PEX5L: variants seen among roughly 807,000 people sequenced by gnomAD.
PEX5L encodes the protein peroxisomal biogenesis factor 5 like, also known as PEX5-related protein.
Under a neutral mutation model 84.0 loss-of-function variants are expected in PEX5L, and 30 were observed. The ratio of observed to expected loss-of-function variants is 0.36; its 90% CI spans 0.27 to 0.48. The LOEUF (loss-of-function observed/expected upper bound fraction) is 0.48. Among genes scored for constraint, PEX5L ranks in the 20% least tolerant of loss-of-function variants. The probability of loss-of-function intolerance (pLI) is 0.99; values close to 1 mark genes in which losing one functional copy is unlikely to be tolerated. For missense variants in PEX5L, 533 were observed against 754.6 expected (o/e 0.71, Z 3.44); for synonymous variants, 270 against 283.1 (o/e 0.95, Z 0.46).
chr3:179,903,468 A>C (rs111845863), intron 2 of PEX5L, among the ~76,000 whole-genome samples: 3,795 of 152,228 alleles, frequency 0.025, 155 homozygotes, highest in African/African-American at 0.088. Flanking sequence ...GGGCTCAAGC[A>C]ATCTTCCTGC....
chr3:180,027,598 T>C (rs1791085829), intron 1 of PEX5L, among the ~76,000 whole-genome samples: 1 of 152,202 alleles, frequency 6.6e-6, no homozygotes, highest in South Asian at 2.1e-4. Context: ...TGAACAAGGA[T>C]TTCTTTTTAA....
At chr3:179,848,495 C>T (rs6443673) in intron 8 of PEX5L, among the ~76,000 whole-genome samples, 99,136 of 149,106 alleles carry the variant, frequency 0.66, 33,063 homozygotes, top group East Asian at 0.77. Context: ...CGAGGCTGAA[C>T]TGAACTGAGA....
chr3:179,946,543 A>G (rs1298956333), intron 2 of PEX5L, among the ~76,000 whole-genome samples: 2 of 152,222 alleles, frequency 1.3e-5, no homozygotes, highest in East Asian at 3.8e-4. Flanking sequence ...CAACAAGAAG[A>G]AAGTGAGAAG....
intron 2 of PEX5L, among the ~76,000 whole-genome samples, chr3:179,953,358 C>T (rs1052265835): frequency 6.4e-4 from 98 of 152,192 alleles, no homozygotes; most frequent in African/African-American, 2.4e-3. Context: ...ATCCATCTGA[C>T]GAAGGGCTAA....
intron 1 of PEX5L, among the ~76,000 whole-genome samples, chr3:179,986,162 T>TAA (rs919803728): frequency 5.6e-5 from 7 of 125,938 alleles, no homozygotes; most frequent in South Asian, 5.1e-4. Flanking sequence ...TCATGTAATT[T>TAA]AAAATATATA....
intron 1 of PEX5L, among the ~76,000 whole-genome samples, chr3:179,991,138 C>A (rs1034673162): frequency 6.6e-6 from 1 of 152,174 alleles, no homozygotes; most frequent in Non-Finnish European, 1.5e-5. Flanking sequence ...CTCACCTCCA[C>A]GGAGATAGCA....
intron 1 of PEX5L, 79 bp downstream of exon 1, chr3:180,036,500 G>T: frequency 7.4e-7 from 1 of 1,342,664 alleles, no homozygotes; most frequent in South Asian, 1.2e-5. Flanking sequence ...GGCAGCACTT[G>T]ACCACAGAAA....
chr3:179,966,399 T>C (rs1783352097), intron 2 of PEX5L, among the ~76,000 whole-genome samples: 1 of 152,166 alleles, frequency 6.6e-6, no homozygotes, highest in South Asian at 2.1e-4. Flanking sequence ...GGATCTGAAT[T>C]ACATTTAAAT....
intron 1 of PEX5L, chr3:179,973,598 T>G (rs959721576): frequency 1.0e-6 from 1 of 984,602 alleles, no homozygotes; most frequent in African/African-American, 1.7e-5. Flanking sequence ...AAGCTCTTGA[T>G]TTCCCCTTTT....
intron 8 of PEX5L, among the ~76,000 whole-genome samples, chr3:179,850,353 C>G (rs942189677): frequency 6.6e-6 from 1 of 152,126 alleles, no homozygotes; most frequent in African/African-American, 2.4e-5. Context: ...TCTTAAACCT[C>G]TGACCTCAGG....
chr3:179,902,727 C>A, intron 2 of PEX5L: 2 of 452,512 alleles, frequency 4.4e-6, no homozygotes, highest in Non-Finnish European at 8.9e-6. Context: ...TTACACAGGC[C>A]ACTGGTGTAG....
At chr3:179,995,831 T>C (rs777843821) in intron 1 of PEX5L, among the ~76,000 whole-genome samples, 1 of 152,174 alleles carries the variant, frequency 6.6e-6, no homozygotes, top group African/African-American at 2.4e-5. Flanking sequence ...TCTCCAGGTG[T>C]CTACTGTTAA....
At chr3:179,906,599 A>G (rs1440391658) in intron 2 of PEX5L, among the ~76,000 whole-genome samples, 2 of 152,182 alleles carry the variant, frequency 1.3e-5, no homozygotes, top group African/African-American at 2.4e-5. Flanking sequence ...ATAGTTTGAG[A>G]GGCCTTTGAG....
At chr3:179,804,064 T>C (rs1046736847) in intron 14 of PEX5L, 1 of 152,204 alleles carries the variant, frequency 6.6e-6, no homozygotes, top group African/African-American at 2.4e-5. Flanking sequence ...AGGAAGATCT[T>C]GAAAGCCTCT....
At chr3:179,847,259 A>ACTGTATATTGATTGATATATAGATAT (rs1231202369) in intron 8 of PEX5L, among the ~76,000 whole-genome samples, 4 of 152,008 alleles carry the variant, frequency 2.6e-5, no homozygotes, top group African/African-American at 7.3e-5. Context: ...TATATAGATA[A>ACTGTATATTGATTGATATATAGATAT]CTGTATATTG....
At chr3:179,937,175 A>T (rs907658984) in intron 2 of PEX5L, among the ~76,000 whole-genome samples, 1 of 152,192 alleles carries the variant, frequency 6.6e-6, no homozygotes, top group African/African-American at 2.4e-5. Flanking sequence ...GATGGAGTTT[A>T]CCATGTTACA....
chr3:179,918,946 G>A (rs921828732), intron 2 of PEX5L, among the ~76,000 whole-genome samples: 1 of 152,124 alleles, frequency 6.6e-6, no homozygotes, highest in African/African-American at 2.4e-5. Flanking sequence ...GAGTCCTCAA[G>A]TTCTACTCAA....
At chr3:179,923,902 C>T (rs1255487951) in intron 2 of PEX5L, among the ~76,000 whole-genome samples, 1 of 152,126 alleles carries the variant, frequency 6.6e-6, no homozygotes, top group Non-Finnish European at 1.5e-5. Context: ...AGTTATTGAC[C>T]TTGTTTACTT....
chr3:179,930,305 A>AGAG (rs916084504), intron 2 of PEX5L, among the ~76,000 whole-genome samples: 3 of 152,132 alleles, frequency 2.0e-5, no homozygotes, highest in African/African-American at 7.2e-5. Context: ...CTTCCTTTCC[A>AGAG]GAGGCTTAAA....
Sources: allele counts gnomAD v4.1 joint callset (sites outside exome capture counted in the v4.1 genomes callset), GRCh38; gene constraint gnomAD v4.1.1; transcripts MANE v1.5; gene names NCBI Gene and HGNC (gene_info 2026-07-23, HGNC 2026-07-21).